The following RHOBTB2 variants were observed in gnomAD, a reference collection of about 807,000 sequenced individuals.
RHOBTB2 encodes rho-related BTB domain-containing protein 2.
RHOBTB2 carries 39 observed loss-of-function variants against 66.5 expected under a neutral mutation model. That is an observed-to-expected ratio of 0.59 (90% CI 0.45 to 0.77). The LOEUF is 0.77. RHOBTB2 is among the 30% of genes least tolerant of loss of function. The probability of loss-of-function intolerance (pLI) is 0.00; values close to 1 mark genes in which losing one functional copy is unlikely to be tolerated. For missense variants in RHOBTB2, 755 were observed against 999.1 expected (o/e 0.76, Z 3.29); for synonymous variants, 390 against 395.0 (o/e 0.99, Z 0.15).
At chr8:22,992,016 C>T (rs1192550317) in intron 1 of RHOBTB2, 1 of 152,246 alleles carries the variant, frequency 6.6e-6, no homozygotes, top group Non-Finnish European at 1.5e-5. Flanking sequence ...GCAATGTGAT[C>T]ATGTTTTTAA....
the RHOBTB2 span, among the ~76,000 whole-genome samples, chr8:22,980,221 A>G: frequency 6.6e-6 from 1 of 152,234 alleles, no homozygotes; most frequent in Admixed American, 6.5e-5. Context: ...CGTGGGAGTC[A>G]ATAAAAGAAG....
upstream of RHOBTB2, among the ~76,000 whole-genome samples, chr8:22,998,448 T>G (rs144392960): frequency 3.9e-3 from 600 of 152,196 alleles, 7 homozygotes; most frequent in African/African-American, 0.014. Context: ...GTCAAGATCA[T>G]CCTGGCTGGG....
Position 23,000,030 on chromosome 8 carries a change from T to C in RHOBTB2, c.-86T>C. The C allele has an allele frequency of 1.0e-6, 1 of 985,490 alleles. No homozygotes were observed. Among genetic ancestry groups the C allele is most frequent in the Non-Finnish European group, 1.2e-6 (1 of 829,994 alleles). 61.0% of individuals were successfully genotyped at this position (985,490 alleles called of 1,614,324 possible). ...TGCAGGCGCGGAGGGACCCCTGACA[T>C]TTCACTAAAATGAGCGTGCTCAGCA... On this transcript the variant is annotated 5_prime_UTR_variant, in exon 1 of 10. Transcript: ENST00000251822.
intron 7 of RHOBTB2, among the ~76,000 whole-genome samples, chr8:23,013,218 G>C (rs992481112): frequency 1.3e-5 from 2 of 151,958 alleles, no homozygotes; most frequent in Non-Finnish European, 2.9e-5. Context: ...ACAGGCGTGG[G>C]CCACCAAGCC....
At chr8:22,978,920 T>A in the RHOBTB2 span, among the ~76,000 whole-genome samples, 1 of 152,160 alleles carries the variant, frequency 6.6e-6, no homozygotes, top group East Asian at 1.9e-4. Context: ...AAAAGTTATT[T>A]ACAGAAAGTA....
intron 1 of RHOBTB2, 129 bp downstream of exon 1, chr8:23,000,234 C>T (rs1810731575): frequency 1.8e-6 from 1 of 548,864 alleles, no homozygotes; most frequent in African/African-American, 2.1e-5. Context: ...TGGGCTCTGG[C>T]TTCGGCTGCT....
chr8:22,988,611 C>T (rs1810345960), intron 1 of RHOBTB2, among the ~76,000 whole-genome samples: 1 of 152,098 alleles, frequency 6.6e-6, no homozygotes, highest in African/African-American at 2.4e-5. Context: ...CCTCTCTTGC[C>T]CTCAGCCCCC....
chr8:22,988,153 C>CTTTT (rs34922844), intron 1 of RHOBTB2, among the ~76,000 whole-genome samples: 11 of 78,118 alleles, frequency 1.4e-4, no homozygotes, highest in Admixed American at 3.3e-4. Context: ...GCTCCTTCCC[C>CTTTT]TTTTTTTTTT....
At chr8:22,982,753 T>C (rs527283318), upstream of RHOBTB2, among the ~76,000 whole-genome samples, 26 of 152,354 alleles carry the variant, frequency 1.7e-4, 1 homozygote, top group South Asian at 3.1e-3. Context: ...TTCAGGCTGC[T>C]ATAATAAAGT....
intron 1 of RHOBTB2, among the ~76,000 whole-genome samples, chr8:23,002,470 T>C (rs1810811942): frequency 6.6e-6 from 1 of 152,170 alleles, no homozygotes; most frequent in Admixed American, 6.5e-5. Context: ...GGCGGGCAGA[T>C]CACTTGAGGT....
At chr8:22,971,959 T>C in the RHOBTB2 span, among the ~76,000 whole-genome samples, 1 of 152,258 alleles carries the variant, frequency 6.6e-6, no homozygotes, top group East Asian at 1.9e-4. Context: ...CTCCTGGATG[T>C]TTCCACTTGG....
Position 23,006,296 on chromosome 8 carries a change from C to T in RHOBTB2, c.482+151C>T. 1.5e-6 allele frequency: 1 copy of T among 668,046 alleles called. No individual in the cohort carries two copies. Among genetic ancestry groups the T allele is most frequent in the Non-Finnish European group, 2.6e-6 (1 of 388,810 alleles). The allele number at this position is 668,046 out of a possible 1,614,324, so 41.4% of individuals were successfully genotyped here. On this transcript the variant is annotated intron_variant, in intron 4 of 9. Coordinates refer to ENST00000251822, the MANE Select transcript of RHOBTB2 (RefSeq NM_015178.3). The surrounding 1 kb of genome is among the most constrained non-coding windows in gnomAD (Gnocchi z 6.1). ...GAGTCAACAAGCATGCTCATTCATT[C>T]ATTCATTCATATACCTGTTGCACAC...
chr8:22,989,074 G>T (rs1810359432), intron 1 of RHOBTB2, among the ~76,000 whole-genome samples: 1 of 152,188 alleles, frequency 6.6e-6, no homozygotes, highest in East Asian at 1.9e-4. Context: ...TTCCTCTGAT[G>T]GCCATCTCTA....
At chr8:22,994,025 G>C (rs1810485022) in intron 2 of RHOBTB2, among the ~76,000 whole-genome samples, 1 of 152,170 alleles carries the variant, frequency 6.6e-6, no homozygotes, top group Non-Finnish European at 1.5e-5. Context: ...GCCATCAGCT[G>C]GTCTTTTTCT....
upstream of RHOBTB2, among the ~76,000 whole-genome samples, chr8:22,985,201 T>C (rs946457514): frequency 1.3e-5 from 2 of 152,172 alleles, no homozygotes; most frequent in African/African-American, 4.8e-5. Flanking sequence ...GGGGGCCAGT[T>C]GCAAAATGGA....
chr8:23,007,739 C>T lies in RHOBTB2; in HGVS notation c.1494C>T (p.Thr498=). ...TTAAGGAGTGCTTGGCAAAAGGCAC[C>T]TTCTCAGGTATGGAACAGGCTTGGA... ...NRVKECLAKG[T]FSDVTFILDD... is the part of the protein sequence containing the mutation. The change falls in exon 5 of 10, where the codon ACC becomes ACT. Residue 498 remains threonine, a synonymous_variant. Transcript: ENST00000251822. The T allele has an allele frequency of 4.3e-6, 7 of 1,613,396 alleles. No homozygotes were observed. The Middle Eastern group carries it at 1.2e-3, about 266-fold the overall frequency.
chr8:22,990,565 G>C (rs1478929379), intron 1 of RHOBTB2, among the ~76,000 whole-genome samples: 2 of 152,222 alleles, frequency 1.3e-5, no homozygotes, highest in African/African-American at 4.8e-5. Flanking sequence ...GCTTCCACCA[G>C]CAGCCCAGGC....
intron 7 of RHOBTB2, 134 bp from the exon 8 acceptor site, chr8:23,014,556 G>T (rs1352298566): frequency 1.0e-5 from 7 of 698,836 alleles, no homozygotes; most frequent in Non-Finnish European, 2.5e-6. Flanking sequence ...CATAGCCTGG[G>T]GCCTTTCCTG....
In RHOBTB2 at chr8:23,007,750, TG is replaced by T; in HGVS notation, c.1501+6del. Reference sequence around the variant, plus strand: ...TTGGCAAAAGGCACCTTCTCAGGTATGGAACAGGCTTGGAAAGCAAGGGGGT... The same window carrying T: ...TTGGCAAAAGGCACCTTCTCAGGTATGAACAGGCTTGGAAAGCAAGGGGGT... On this transcript the variant is annotated splice_donor_5th_base_variant and intron_variant, in intron 5 of 9. Coordinates refer to ENST00000251822, the MANE Select transcript of RHOBTB2 (RefSeq NM_015178.3). 1 of 1,611,650 alleles carries T rather than the reference TG, an allele frequency of 6.2e-7. No individual in the cohort carries two copies. The highest frequency in any genetic ancestry group is 8.5e-7 in the Non-Finnish European group (1 of 1,178,336).
Sources: allele counts gnomAD v4.1 joint callset (sites outside exome capture counted in the v4.1 genomes callset), GRCh38; gene constraint gnomAD v4.1.1; non-coding constraint Gnocchi (gnomAD v3.1); transcripts MANE v1.5; gene names NCBI Gene and HGNC (gene_info 2026-07-23, HGNC 2026-07-21).